EXOC4: variants seen among roughly 807,000 people sequenced by gnomAD.
EXOC4 encodes the protein SEC8-like 1.
In EXOC4, 71 loss-of-function variants were observed where a neutral mutation model predicts 107.2. The observed-to-expected ratio is 0.66, with a 90% CI of 0.55 to 0.81. The LOEUF is 0.81. EXOC4 is among the 30% of genes least tolerant of loss of function. The pLI is 0.00. For synonymous variants in EXOC4, 456 were observed against 441.2 expected, an observed-to-expected ratio of 1.03 and a Z score of -0.42; for missense variants, 1,108 against 1,189.6, an observed-to-expected ratio of 0.93 and a Z score of 1.01.
intron 1 of EXOC4, among the ~76,000 whole-genome samples, chr7:133,258,908 T>A (rs1465393163): frequency 2.0e-5 from 3 of 152,124 alleles, no homozygotes; most frequent in Admixed American, 2.0e-4. Context: ...TATAAAACAT[T>A]TATTAGATTA....
In EXOC4 at chr7:133,255,340, C is replaced by T. The variant is rs149275987; in HGVS notation, c.86+2153C>T. ...TATAGGCGTGCGCCACCACACCCACCTAATTTTTGTATTTTTGGTAGATAC... is the reference window on the plus strand; with the variant it reads ...TATAGGCGTGCGCCACCACACCCACTTAATTTTTGTATTTTTGGTAGATAC... On this transcript the variant is annotated intron_variant, in intron 1 of 17. Transcript: ENST00000253861. Among the ~76,000 whole-genome samples, 15 of 152,172 alleles carry T rather than the reference C, an allele frequency of 9.9e-5. No homozygotes were observed. In the East Asian group the frequency reaches 2.7e-3, roughly 28 times the overall value.
chr7:133,730,017 T>C (rs1284143186), intron 10 of EXOC4, among the ~76,000 whole-genome samples: 3 of 151,728 alleles, frequency 2.0e-5, no homozygotes, highest in Admixed American at 2.0e-4. Context: ...TCATTGGCTA[T>C]TGTTATTACT....
chr7:133,585,896 T>C (rs1801392269), intron 9 of EXOC4, among the ~76,000 whole-genome samples: 1 of 152,036 alleles, frequency 6.6e-6, no homozygotes, highest in Admixed American at 6.6e-5. Flanking sequence ...TGTTTCACCA[T>C]GTTGGCCAGG....
chr7:133,404,794 G>T (rs1230276087), intron 7 of EXOC4, among the ~76,000 whole-genome samples: 1 of 151,890 alleles, frequency 6.6e-6, no homozygotes, highest in Non-Finnish European at 1.5e-5. Context: ...GGGAGGCTGG[G>T]GTGGGAGGAT....
chr7:133,461,544 G>A (rs1263006561), intron 7 of EXOC4, among the ~76,000 whole-genome samples: 1 of 152,020 alleles, frequency 6.6e-6, no homozygotes, highest in Non-Finnish European at 1.5e-5. Flanking sequence ...GAAAATGCTG[G>A]GTCTTAGCCA....
the EXOC4 span, among the ~76,000 whole-genome samples, chr7:134,097,127 T>C: frequency 3.9e-5 from 6 of 151,976 alleles, no homozygotes; most frequent in Non-Finnish European, 8.8e-5. Flanking sequence ...CAATTAAAAT[T>C]AAAAATTTGA....
intron 10 of EXOC4, among the ~76,000 whole-genome samples, chr7:133,685,359 T>C (rs1040495252): frequency 1.3e-5 from 2 of 152,164 alleles, no homozygotes; most frequent in African/African-American, 4.8e-5. Context: ...TCGGCACTTA[T>C]CCTTCCTGAT....
intron 5 of EXOC4, among the ~76,000 whole-genome samples, chr7:133,337,637 C>CTT (rs10611286): frequency 9.3e-5 from 8 of 86,150 alleles, no homozygotes; most frequent in African/African-American, 2.3e-4. Context: ...CCTTCCTTCC[C>CTT]TTTTTTTTTT....
intron 9 of EXOC4, among the ~76,000 whole-genome samples, chr7:133,483,729 G>A (rs142662185): frequency 1.3e-5 from 2 of 152,110 alleles, no homozygotes; most frequent in African/African-American, 4.8e-5. Context: ...AAAGTCTGAT[G>A]GTGTTTCATT....
chr7:134,057,365 T>TA (rs34424652), intron 17 of EXOC4, among the ~76,000 whole-genome samples: 32,908 of 147,960 alleles, frequency 0.22, 4,678 homozygotes, highest in African/African-American at 0.41. Context: ...GTGAGAAGTG[T>TA]AAAAAAAAAA....
At chr7:133,950,603 A>AT (rs1374235250) in intron 14 of EXOC4, among the ~76,000 whole-genome samples, 1 of 152,260 alleles carries the variant, frequency 6.6e-6, no homozygotes, top group African/African-American at 2.4e-5. Flanking sequence ...TGATGATAAG[A>AT]TTTTGACCTT....
intron 10 of EXOC4, among the ~76,000 whole-genome samples, chr7:133,732,121 A>G (rs1444274378): frequency 6.6e-6 from 1 of 152,234 alleles, no homozygotes; most frequent in Non-Finnish European, 1.5e-5. Flanking sequence ...ATAAAAAGGA[A>G]CAAGATCCTG....
intron 9 of EXOC4, among the ~76,000 whole-genome samples, chr7:133,623,047 G>A (rs1040331910): frequency 3.9e-5 from 6 of 152,108 alleles, no homozygotes; most frequent in African/African-American, 1.4e-4. Context: ...TTATTAGGAT[G>A]AAGTGAGTAT....
chr7:133,408,828 C>T (rs1305512836), intron 7 of EXOC4, among the ~76,000 whole-genome samples: 1 of 152,134 alleles, frequency 6.6e-6, no homozygotes, highest in Non-Finnish European at 1.5e-5. Flanking sequence ...AGAATAATGA[C>T]ACCTGTATTC....
At chr7:133,719,842 T>C (rs1795070719) in intron 10 of EXOC4, among the ~76,000 whole-genome samples, 1 of 152,188 alleles carries the variant, frequency 6.6e-6, no homozygotes, top group Non-Finnish European at 1.5e-5. Flanking sequence ...AGTGTCTTGT[T>C]CAACATTCTG....
At chr7:134,075,176 A>C in the EXOC4 span, among the ~76,000 whole-genome samples, 1 of 152,234 alleles carries the variant, frequency 6.6e-6, no homozygotes, top group African/African-American at 2.4e-5. Context: ...CAGCAGATAC[A>C]TGGGATCTTT....
In EXOC4 at chr7:133,672,353, T is replaced by C. The variant is rs1793965942; in HGVS notation, c.1514+42212T>C. ...TTGCAGTGAGCCGAGATCGCACCAC[T>C]GCACTCCAGCCTGGGCGACAGAGTG... On this transcript the variant is annotated intron_variant, in intron 10 of 17. Coordinates refer to ENST00000253861, the MANE Select transcript of EXOC4 (RefSeq NM_021807.4). Among the ~76,000 whole-genome samples, 3 of 146,630 alleles carry C rather than the reference T, an allele frequency of 2.0e-5. No individual in the cohort carries two copies. The South Asian group carries it at 6.4e-4, about 31-fold the overall frequency.
chr7:133,351,566 G>A lies in EXOC4; in HGVS notation c.764-4764G>A, dbSNP rs374753199. Among the ~76,000 whole-genome samples the A allele has an allele frequency of 4.0e-4, 61 of 151,800 alleles. 1 individual carries two copies. In the East Asian group the frequency reaches 7.5e-3, roughly 19 times the overall value. ...ATTTATGAATTTAGTCATTTGAGTC[G>A]TCTCTATTTTTTTCTTAGTTCACCT... On this transcript the variant is annotated intron_variant, in intron 5 of 17. Transcript: ENST00000253861.
chr7:133,745,650 G>A (rs896810567), intron 10 of EXOC4, among the ~76,000 whole-genome samples: 1 of 149,294 alleles, frequency 6.7e-6, no homozygotes, highest in Non-Finnish European at 1.5e-5. Context: ...GAAAAGACTG[G>A]AATAAAATAG....
Sources: gnomAD v4.1 joint callset for allele counts (sites outside exome capture counted in the v4.1 genomes callset) on GRCh38, gnomAD v4.1.1 for gene constraint, MANE v1.5 for transcripts, NCBI Gene and HGNC (gene_info 2026-07-23, HGNC 2026-07-21) for gene names.